The following FGF14 variants were observed in gnomAD, a reference collection of about 807,000 sequenced individuals.
FGF14 encodes the protein fibroblast growth factor 14.
A neutral mutation model predicts 25.5 loss-of-function variants in FGF14; 5 were observed. That is an observed-to-expected ratio of 0.20 (90% CI 0.10 to 0.41). The LOEUF (loss-of-function observed/expected upper bound fraction) is 0.41. Ranked by LOEUF, FGF14 falls within the 10% of genes least tolerant of loss-of-function variation. FGF14 has a pLI of 1.00. For missense variants in FGF14, 222 were observed against 320.1 expected, an observed-to-expected ratio of 0.69 and a Z score of 2.34; for synonymous variants, 138 against 118.3, an observed-to-expected ratio of 1.17 and a Z score of -1.08.
chr13:102,043,884 A>T (rs9634528), intron 1 of FGF14, among the ~76,000 whole-genome samples: 1 of 151,942 alleles, frequency 6.6e-6, no homozygotes, highest in South Asian at 2.1e-4. Context: ...CATCCTACCT[A>T]GCAACTGGAT....
Position 102,165,671 on chromosome 13 carries a change from G to A in FGF14, c.208+235800C>T, listed in dbSNP as rs1235271968. On this transcript the variant is annotated intron_variant, in intron 1 of 4. Coordinates refer to the FGF14 transcript ENST00000376131. Reference sequence around the variant, plus strand: ...CACATACTGGGGCCTGTTGTGGGTGGGGGGAGGGGGGAGGGATAGCATTAG... The same window carrying A: ...CACATACTGGGGCCTGTTGTGGGTGAGGGGAGGGGGGAGGGATAGCATTAG... 2.8e-4 allele frequency among the ~76,000 whole-genome samples: 28 copies of A among 98,930 alleles called. No homozygotes were observed. The East Asian group carries it at 9.2e-3, about 33-fold the overall frequency. 64.9% of individuals were successfully genotyped at this position (98,930 alleles called of 152,430 possible).
intron 1 of FGF14, among the ~76,000 whole-genome samples, chr13:101,934,049 A>G (rs2034942326): frequency 6.6e-6 from 1 of 152,194 alleles, no homozygotes; most frequent in Non-Finnish European, 1.5e-5. Context: ...AATTTGGTTA[A>G]TATTTTTAAG....
intron 3 of FGF14, among the ~76,000 whole-genome samples, chr13:101,864,124 T>C (rs2044569729): frequency 6.6e-6 from 1 of 152,186 alleles, no homozygotes; most frequent in African/African-American, 2.4e-5. Flanking sequence ...TAAAGAACTT[T>C]CATATATACA....
intron 1 of FGF14, among the ~76,000 whole-genome samples, chr13:102,114,126 A>G (rs542882907): frequency 1.2e-4 from 18 of 152,348 alleles, no homozygotes; most frequent in Admixed American, 2.6e-4. Flanking sequence ...GAGGAAAATG[A>G]AACTAAAAGA....
intron 1 of FGF14, among the ~76,000 whole-genome samples, chr13:102,145,672 GC>G (rs1194144872): frequency 6.6e-6 from 1 of 152,068 alleles, no homozygotes; most frequent in Non-Finnish European, 1.5e-5. Context: ...CATAGCAATA[GC>G]AAAAGTGATA....
At chr13:101,903,639 G>C (rs577423598) in intron 1 of FGF14, among the ~76,000 whole-genome samples, 14 of 152,132 alleles carry the variant, frequency 9.2e-5, no homozygotes, top group Non-Finnish European at 1.6e-4. Flanking sequence ...GGGAAGGAGG[G>C]AGGGCTGTGT....
intron 1 of FGF14, among the ~76,000 whole-genome samples, chr13:102,161,644 AAGAAGAAGAAGAAG>A (rs2047728372): frequency 5.9e-5 from 1 of 17,024 alleles, no homozygotes; most frequent in Non-Finnish European, 1.1e-4. Context: ...GAAGAAGAAG[AAGAAGAAGAAGAAG>A]AAGAAGAAGA....
chr13:102,063,891 C>T (rs1461771560), intron 1 of FGF14, among the ~76,000 whole-genome samples: 2 of 151,890 alleles, frequency 1.3e-5, no homozygotes, highest in African/African-American at 4.8e-5. Context: ...ACATGTCATG[C>T]GATGAACTAT....
rs1555369389 is a variant in FGF14, at chr13:102,161,570, A to AAAGAAGAAGAAG, written c.208+239900_208+239901insCTTCTTCTTCTT. Among the ~76,000 whole-genome samples the AAAGAAGAAGAAG allele has an allele frequency of 2.8e-3, 16 of 5,650 alleles. 5 individuals carry two copies. Among genetic ancestry groups the AAAGAAGAAGAAG allele is most frequent in the Non-Finnish European group, 2.2e-3 (9 of 4,184 alleles). The allele number at this position is 5,650 out of a possible 152,430, so 3.7% of individuals were successfully genotyped here. ...TCTATGCAACCAACTTTCTGTGAAG[A>AAAGAAGAAGAAG]AAGAAAGAAGAAGAAGAAGAAGAAG... On this transcript the variant is annotated intron_variant, in intron 1 of 4. Coordinates refer to the FGF14 transcript ENST00000376131.
At chr13:102,137,485 T>C (rs2046463023) in intron 1 of FGF14, among the ~76,000 whole-genome samples, 1 of 152,200 alleles carries the variant, frequency 6.6e-6, no homozygotes, top group African/African-American at 2.4e-5. Flanking sequence ...CAAATAAGTC[T>C]GGACTCTGGT....
chr13:101,900,443 G>A (rs1366410450), intron 1 of FGF14, among the ~76,000 whole-genome samples: 1 of 151,970 alleles, frequency 6.6e-6, no homozygotes, highest in Non-Finnish European at 1.5e-5. Flanking sequence ...AACTGCATGA[G>A]ATAAAAGAGA....
intron 3 of FGF14, among the ~76,000 whole-genome samples, chr13:101,795,307 T>C (rs906392594): frequency 6.6e-6 from 1 of 152,134 alleles, no homozygotes; most frequent in African/African-American, 2.4e-5. Flanking sequence ...TGTTAAGCTA[T>C]AAGAAGAGAG....
At chr13:101,876,247 G>A (rs560809599) in intron 1 of FGF14, among the ~76,000 whole-genome samples, 6 of 152,240 alleles carry the variant, frequency 3.9e-5, no homozygotes, top group Non-Finnish European at 8.8e-5. Flanking sequence ...TTTTGCAAAA[G>A]CCATCCCCAT....
At position 101,714,781 on chromosome 13, in the gene FGF14, A is replaced by T; in HGVS notation, c.*8050T>A. 1.9e-6 allele frequency: 1 copy of T among 524,876 alleles called. No individual in the cohort carries two copies. The allele number at this position is 524,876 out of a possible 1,614,324, so 32.5% of individuals were successfully genotyped here. ...AAGCTAAATTTTGTGATTATTTGGG[A>T]TCCTTCCACAAAGTAACCTCCCCAC... is the stretch of plus-strand genomic sequence containing the variant. On this transcript the variant is annotated 3_prime_UTR_variant, in exon 5 of 5. Coordinates refer to ENST00000376143, the MANE Select transcript of FGF14 (RefSeq NM_004115.4).
At chr13:102,056,836 T>C (rs965741104) in intron 1 of FGF14, among the ~76,000 whole-genome samples, 9 of 149,724 alleles carry the variant, frequency 6.0e-5, no homozygotes, top group African/African-American at 2.2e-4. Flanking sequence ...ATAATGAAAT[T>C]CTTAAAATAA....
At chr13:102,023,102 G>A (rs898229594) in intron 1 of FGF14, among the ~76,000 whole-genome samples, 2 of 148,808 alleles carry the variant, frequency 1.3e-5, no homozygotes, top group East Asian at 2.0e-4. Context: ...CACAAAATAC[G>A]TAACATATCA....
chr13:102,299,344 T>C (rs2138547880), intron 1 of FGF14, among the ~76,000 whole-genome samples: 1 of 152,242 alleles, frequency 6.6e-6, no homozygotes, highest in East Asian at 1.9e-4. Flanking sequence ...GGAGTCAAAA[T>C]GGATGCAACC....
intron 1 of FGF14, among the ~76,000 whole-genome samples, chr13:102,156,519 T>C (rs914054835): frequency 9.2e-5 from 14 of 152,130 alleles, no homozygotes; most frequent in African/African-American, 3.4e-4. Context: ...CTCAAAATCA[T>C]AAGAGCTATT....
rs2058210013 is a variant in FGF14 at position 102,382,596 on chromosome 13, C to A, written c.208+18875G>T. The stretch of plus-strand genomic sequence containing the variant: ...CAAAATGTTAAACATAGATTATCAT[C>A]TTACCTAGTAATTCCATTGCTAGTT... On this transcript the variant is annotated intron_variant, in intron 1 of 4. Coordinates refer to the FGF14 transcript ENST00000376131. Among the ~76,000 whole-genome samples, 3 of 152,086 alleles carry A rather than the reference C, an allele frequency of 2.0e-5. No individual in the cohort carries two copies. The South Asian group carries it at 6.2e-4, about 31-fold the overall frequency.
Sources: gnomAD v4.1 joint callset for allele counts (sites outside exome capture counted in the v4.1 genomes callset) on GRCh38, gnomAD v4.1.1 for gene constraint, MANE v1.5 for transcripts, NCBI Gene and HGNC (gene_info 2026-07-23, HGNC 2026-07-21) for gene names.